The following EPB41L4B variants were observed in gnomAD, a reference collection of about 807,000 sequenced individuals.
The protein encoded by EPB41L4B is band 4.1-like protein 4B.
EPB41L4B carries 30 observed loss-of-function variants against 112.5 expected under a neutral mutation model. The ratio of observed to expected loss-of-function variants is 0.27; its 90% confidence interval spans 0.20 to 0.36. The LOEUF (loss-of-function observed/expected upper bound fraction) is 0.36, where lower values mean the gene tolerates loss of function less well. Ranked by LOEUF, EPB41L4B falls within the 10% of genes least tolerant of loss-of-function variation. The probability of loss-of-function intolerance (pLI) is 1.00; values close to 1 mark genes in which losing one functional copy is unlikely to be tolerated. For synonymous variants in EPB41L4B, 408 were observed against 439.7 expected (o/e 0.93, Z 0.90); for missense variants, 1,024 against 1,133.3 (o/e 0.90, Z 1.38).
chr9:109,178,090 T>A (rs909517515), intron 24 of EPB41L4B, among the ~76,000 whole-genome samples: 4 of 152,026 alleles, frequency 2.6e-5, no homozygotes, highest in African/African-American at 9.7e-5. Context: ...ATAATTTTTT[T>A]AATCTTTCGT....
At chr9:109,308,192 A>C (rs887814901) in intron 1 of EPB41L4B, among the ~76,000 whole-genome samples, 34 of 152,154 alleles carry the variant, frequency 2.2e-4, no homozygotes, top group African/African-American at 7.7e-4. Flanking sequence ...GAGTATGTGA[A>C]GGGGACCCAA....
intron 22 of EPB41L4B, among the ~76,000 whole-genome samples, chr9:109,190,754 TG>T (rs1477550549): frequency 6.6e-6 from 1 of 152,228 alleles, no homozygotes; most frequent in Non-Finnish European, 1.5e-5. Context: ...GACAAGTGTC[TG>T]CCCCTGTCTG....
intron 1 of EPB41L4B, among the ~76,000 whole-genome samples, chr9:109,293,925 G>C (rs1588217756): frequency 6.6e-6 from 1 of 152,124 alleles, no homozygotes; most frequent in Non-Finnish European, 1.5e-5. Flanking sequence ...GTGGTCTGTA[G>C]TAGCTTCTGG....
At chr9:109,284,082 T>TA (rs987644858) in intron 1 of EPB41L4B, among the ~76,000 whole-genome samples, 10 of 151,022 alleles carry the variant, frequency 6.6e-5, no homozygotes, top group South Asian at 2.1e-4. Context: ...CACCTTGACT[T>TA]AAAAAAAAAG....
At chr9:109,256,921 C>G (rs1477777173) in intron 7 of EPB41L4B, among the ~76,000 whole-genome samples, 2 of 152,198 alleles carry the variant, frequency 1.3e-5, no homozygotes, top group African/African-American at 4.8e-5. Context: ...TGCACTCCAG[C>G]CTGGGCAACA....
chr9:109,256,087 A>G, intron 9 of EPB41L4B, 49 bp downstream of exon 9: 1 of 1,519,812 alleles, frequency 6.6e-7, no homozygotes, highest in Non-Finnish European at 9.1e-7. Flanking sequence ...ATAGAATTCC[A>G]CCACAAAATA....
intron 2 of EPB41L4B, among the ~76,000 whole-genome samples, chr9:109,273,162 C>T (rs1445023856): frequency 6.6e-6 from 1 of 152,114 alleles, no homozygotes; most frequent in Non-Finnish European, 1.5e-5. Flanking sequence ...TCCGATTCAG[C>T]ACCAGTATTT....
At chr9:109,183,482 G>A (rs557469733) in intron 23 of EPB41L4B, among the ~76,000 whole-genome samples, 2 of 152,236 alleles carry the variant, frequency 1.3e-5, no homozygotes, top group East Asian at 1.9e-4. Context: ...AAGGCCAGAC[G>A]AACAGCTGAT....
chr9:109,287,387 A>G lies in EPB41L4B; in HGVS notation c.307-7466T>C, dbSNP rs139518635. Among the ~76,000 whole-genome samples, 665 of 152,360 alleles carry G rather than the reference A, an allele frequency of 4.4e-3. 6 individuals carry two copies. Among genetic ancestry groups the G allele is most frequent in the African/African-American group, 0.015 (626 of 41,574 alleles). On this transcript the variant is annotated intron_variant, in intron 1 of 25. Coordinates refer to ENST00000374566, the MANE Select transcript of EPB41L4B (RefSeq NM_019114.5). ...TTAACAGGTCAGATCTGGTCCCGGAAGAACAAAGAAGATAGAAACCAACCC... is the reference window on the plus strand; with the variant it reads ...TTAACAGGTCAGATCTGGTCCCGGAGGAACAAAGAAGATAGAAACCAACCC...
rs534789243 is a variant in EPB41L4B at position 109,195,490 on chromosome 9, A to G, written c.2046-1093T>C. On this transcript the variant is annotated intron_variant, in intron 20 of 25. Coordinates refer to ENST00000374566, the MANE Select transcript of EPB41L4B (RefSeq NM_019114.5). Reference sequence around the variant, plus strand: ...AGGTGAGAATTGAATAAGTACATGGAAAAATTAATAATACACCAAGTATTT... The same window carrying G: ...AGGTGAGAATTGAATAAGTACATGGGAAAATTAATAATACACCAAGTATTT... Among the ~76,000 whole-genome samples the G allele has an allele frequency of 3.9e-5, 6 of 152,338 alleles. No homozygotes were observed. In the South Asian group the frequency reaches 8.3e-4, roughly 21 times the overall value.
At chr9:109,234,679 C>G (rs866302667) in intron 15 of EPB41L4B, among the ~76,000 whole-genome samples, 1 of 152,132 alleles carries the variant, frequency 6.6e-6, no homozygotes, top group African/African-American at 2.4e-5. Flanking sequence ...GCCTGTGCAA[C>G]ATGGCAAGAC....
intron 15 of EPB41L4B, 95 bp downstream of exon 15, chr9:109,243,523 G>A (rs1834428616): frequency 8.3e-7 from 1 of 1,207,294 alleles, no homozygotes; most frequent in Non-Finnish European, 1.2e-6. Context: ...GGTTATTTCT[G>A]ATGCAGACTT....
intron 20 of EPB41L4B, chr9:109,196,139 T>C (rs879054300): frequency 6.6e-6 from 1 of 151,414 alleles, no homozygotes; most frequent in Non-Finnish European, 1.5e-5. Context: ...CTATTTACTT[T>C]TTTTTCTTTT....
intron 16 of EPB41L4B, 106 bp from the exon 17 acceptor site, chr9:109,213,924 G>A (rs954404121): frequency 2.7e-5 from 25 of 934,620 alleles, no homozygotes; most frequent in South Asian, 5.9e-5. Context: ...CCTTTCTGCC[G>A]GCCTCCTCCT....
At chr9:109,185,690 A>G in intron 22 of EPB41L4B, 85 bp from the exon 23 acceptor site, 1 of 1,038,742 alleles carries the variant, frequency 9.6e-7, no homozygotes. Context: ...GGGAAAGGAG[A>G]GAAAGACAGC....
At chr9:109,262,933 T>G (rs1008091649) in intron 6 of EPB41L4B, 117 bp downstream of exon 6, 5 of 708,340 alleles carry the variant, frequency 7.1e-6, no homozygotes, top group Non-Finnish European at 9.5e-6. Flanking sequence ...AGAGACCGTG[T>G]CATATTCATT....
At chr9:109,180,420 G>T (rs1186096072) in intron 24 of EPB41L4B, among the ~76,000 whole-genome samples, 2 of 152,194 alleles carry the variant, frequency 1.3e-5, no homozygotes, top group Non-Finnish European at 2.9e-5. Context: ...GGGGAGCTGT[G>T]TCCAGCAAGA....
rs565824460 is a variant in EPB41L4B, at chr9:109,208,532, A to T, written c.1753-483T>A. The stretch of plus-strand genomic sequence containing the variant: ...ACAAGAAATTTATATTTGTTAGCTT[A>T]TTGTAGAGTGTCTTGTACTTCAGTA... On this transcript the variant is annotated intron_variant, in intron 17 of 25. Transcript: ENST00000374566. 1.5e-3 allele frequency among the ~76,000 whole-genome samples: 225 copies of T among 152,294 alleles called. 1 individual carries two copies. The highest frequency in any genetic ancestry group is 5.1e-3 in the African/African-American group (213 of 41,572).
chr9:109,273,817 T>C (rs147753386), intron 2 of EPB41L4B, among the ~76,000 whole-genome samples: 20 of 152,318 alleles, frequency 1.3e-4, no homozygotes, highest in Non-Finnish European at 1.5e-4. Context: ...AGTTGTAACA[T>C]AGATCCCCAT....
Sources: gnomAD v4.1 joint callset for allele counts (sites outside exome capture counted in the v4.1 genomes callset) on GRCh38, gnomAD v4.1.1 for gene constraint, MANE v1.5 for transcripts, NCBI Gene and HGNC (gene_info 2026-07-23, HGNC 2026-07-21) for gene names.